Variants in ZNF578 observed in about 807,000 individuals in gnomAD.
ZNF578 encodes the protein Putative chemokine-related protein B42.
Under a neutral mutation model 8.3 loss-of-function variants are expected in ZNF578, and 8 were observed. The observed-to-expected ratio is 0.96, with a 90% CI of 0.56 to 1.74. The LOEUF is 1.74. Ranked by LOEUF, ZNF578 falls within the 40% of genes most tolerant of loss-of-function variation. The pLI is 0.00. For missense variants in ZNF578, 726 were observed against 707.5 expected (o/e 1.03, Z -0.30); for synonymous variants, 206 against 232.2 (o/e 0.89, Z 1.03).
intron 5 of ZNF578, among the ~76,000 whole-genome samples, chr19:52,508,352 TAG>T (rs35598512): frequency 4.0e-5 from 6 of 149,504 alleles, no homozygotes; most frequent in East Asian, 2.0e-4. Context: ...ACAAAAGAAA[TAG>T]AGAGAGAGAG....
intron 4 of ZNF578, among the ~76,000 whole-genome samples, chr19:52,502,892 A>G (rs902286922): frequency 1.3e-5 from 2 of 152,072 alleles, no homozygotes; most frequent in Admixed American, 6.6e-5. Flanking sequence ...ATGGGTCACC[A>G]TATGTATGTA....
chr19:52,506,162 C>T (rs1356458495), intron 5 of ZNF578, among the ~76,000 whole-genome samples: 1 of 152,028 alleles, frequency 6.6e-6, no homozygotes, highest in Non-Finnish European at 1.5e-5. Context: ...GGATTCCAAA[C>T]TGCTGGGATT....
At chr19:52,482,112 C>T (rs1213456079) in intron 2 of ZNF578, among the ~76,000 whole-genome samples, 1 of 152,196 alleles carries the variant, frequency 6.6e-6, no homozygotes, top group Non-Finnish European at 1.5e-5. Flanking sequence ...CAGCTCGCCA[C>T]AACCTCTGTT....
At position 52,485,455 on chromosome 19, in the gene ZNF578, A is replaced by G. The variant is rs192934955; in HGVS notation, c.-121-5869A>G. Among the ~76,000 whole-genome samples, 36 of 152,332 alleles carry G rather than the reference A, an allele frequency of 2.4e-4. No individual in the cohort carries two copies. The East Asian group carries it at 7.0e-3, about 29-fold the overall frequency. ...GCGCAGGTGCTTGTCATCTGTGCGC[A>G]GCATTGAGCATCGAAGCTCTGTGTC... On this transcript the variant is annotated intron_variant, in intron 2 of 5. Coordinates refer to ENST00000421239, the MANE Select transcript of ZNF578 (RefSeq NM_001099694.2).
chr19:52,497,688 T>C lies in ZNF578; in HGVS notation c.-19-4139T>C, dbSNP rs140309033. On this transcript the variant is annotated intron_variant, in intron 3 of 5. Coordinates refer to ENST00000421239, the MANE Select transcript of ZNF578 (RefSeq NM_001099694.2). Reference sequence around the variant, plus strand: ...TCTTTATCATATATCGAAAACATTTTCTACTATGTGATATATGATGTTAGG... The same window carrying C: ...TCTTTATCATATATCGAAAACATTTCCTACTATGTGATATATGATGTTAGG... Among the ~76,000 whole-genome samples the C allele has an allele frequency of 1.1e-3, 171 of 152,392 alleles. 2 individuals are homozygous for C. The East Asian group carries it at 0.027, about 24-fold the overall frequency.
At chr19:52,506,462 C>CT (rs35676968) in intron 5 of ZNF578, among the ~76,000 whole-genome samples, 28,315 of 108,084 alleles carry the variant, frequency 0.26, 4,305 homozygotes, top group African/African-American at 0.39. Flanking sequence ...AGTACAGTTT[C>CT]TTTTTTTTTT....
chr19:52,508,001 A>G (rs528622341), intron 5 of ZNF578, among the ~76,000 whole-genome samples: 1 of 152,084 alleles, frequency 6.6e-6, no homozygotes, highest in Non-Finnish European at 1.5e-5. Context: ...GTGAGCCGAG[A>G]TCATACCATT....
chr19:52,470,947 G>A (rs1466735170), intron 2 of ZNF578, among the ~76,000 whole-genome samples: 1 of 152,084 alleles, frequency 6.6e-6, no homozygotes, highest in African/African-American at 2.4e-5. Context: ...CATGTGGTTT[G>A]ACACCATCTT....
At chr19:52,505,125 G>T (rs577852794) in intron 5 of ZNF578, among the ~76,000 whole-genome samples, 3 of 152,266 alleles carry the variant, frequency 2.0e-5, no homozygotes, top group Middle Eastern at 3.4e-3. Flanking sequence ...GACCTCAGGT[G>T]ATCCGCCCAC....
chr19:52,500,960 CCT>C (rs1324347526), intron 3 of ZNF578, among the ~76,000 whole-genome samples: 1 of 150,522 alleles, frequency 6.6e-6, no homozygotes, highest in Non-Finnish European at 1.5e-5. Flanking sequence ...CTCACTGCAA[CCT>C]CTGTCTCCTG....
chr19:52,492,509 A>G (rs1391142220), intron 3 of ZNF578, among the ~76,000 whole-genome samples: 2 of 152,216 alleles, frequency 1.3e-5, no homozygotes, highest in Non-Finnish European at 2.9e-5. Flanking sequence ...TCTGTGGGCC[A>G]TCAGCATGAA....
At chr19:52,474,537 G>A (rs1022858831) in intron 2 of ZNF578, 3 of 299,828 alleles carry the variant, frequency 1.0e-5, no homozygotes, top group Non-Finnish European at 2.1e-5. Flanking sequence ...TAAAGACCTT[G>A]TAACATTCAT....
In ZNF578 at chr19:52,514,264, A is replaced by G. The variant is rs1376891009; in HGVS notation, c.*2110A>G. ...ACATCATTCGTTTCTGTACTTGTATATTTTCCAGTTGTTTTCCGGTTGACC... is the reference window on the plus strand; with the variant it reads ...ACATCATTCGTTTCTGTACTTGTATGTTTTCCAGTTGTTTTCCGGTTGACC... On this transcript the variant is annotated 3_prime_UTR_variant, in exon 6 of 6. Coordinates refer to ENST00000421239, the MANE Select transcript of ZNF578 (RefSeq NM_001099694.2). Among the ~76,000 whole-genome samples the G allele has an allele frequency of 6.6e-6, 1 of 152,070 alleles. No homozygotes were observed. Among genetic ancestry groups the G allele is most frequent in the Non-Finnish European group, 1.5e-5 (1 of 68,030 alleles).
chr19:52,466,500 T>C (rs924555315), intron 2 of ZNF578, among the ~76,000 whole-genome samples: 2 of 152,198 alleles, frequency 1.3e-5, no homozygotes, highest in African/African-American at 4.8e-5. Flanking sequence ...CCCCAACAGT[T>C]TTCTCTATGT....
chr19:52,482,530 C>T (rs371052288), intron 2 of ZNF578, among the ~76,000 whole-genome samples: 5 of 151,500 alleles, frequency 3.3e-5, no homozygotes, highest in Admixed American at 6.6e-5. Flanking sequence ...CCCACCTACT[C>T]GGGAGGCTGA....
At chr19:52,480,643 A>G (rs2122839062) in intron 2 of ZNF578, among the ~76,000 whole-genome samples, 1 of 152,114 alleles carries the variant, frequency 6.6e-6, no homozygotes, top group African/African-American at 2.4e-5. Context: ...CATGCCTATA[A>G]TCCCAGCACT....
intron 3 of ZNF578, among the ~76,000 whole-genome samples, chr19:52,499,903 G>A (rs1839107605): frequency 6.6e-6 from 1 of 152,052 alleles, no homozygotes; most frequent in African/African-American, 2.4e-5. Context: ...TGTGCCCCCA[G>A]GACCTCTCTG....
At position 52,511,002 on chromosome 19, in the gene ZNF578, C is replaced by T. The variant is rs1427213065; in HGVS notation, c.621C>T (p.Asn207=). Residue 207 remains asparagine (N), a synonymous_variant, in exon 6 of 6, where the codon AAC becomes AAT. Transcript: ENST00000421239. ...SCRPETHTPN[N]YGNNFFHSSL... is the part of the protein sequence containing the mutation. ...GGCCTGAAACACATACTCCTAATAA[C>T]TATGGGAATAATTTTTTCCATTCAT... 6.2e-7 allele frequency: 1 copy of T among 1,614,170 alleles called. No homozygotes were observed. The highest frequency in any genetic ancestry group is 8.5e-7 in the Non-Finnish European group (1 of 1,180,012).
chr19:52,495,608 C>G (rs2059383169), intron 3 of ZNF578, among the ~76,000 whole-genome samples: 1 of 151,910 alleles, frequency 6.6e-6, no homozygotes, highest in Non-Finnish European at 1.5e-5. Flanking sequence ...AAGGGGGACC[C>G]TGAGTGCAGA....
Sources: gnomAD v4.1 joint callset for allele counts (sites outside exome capture counted in the v4.1 genomes callset) on GRCh38, gnomAD v4.1.1 for gene constraint, MANE v1.5 for transcripts, NCBI Gene and HGNC (gene_info 2026-07-23, HGNC 2026-07-21) for gene names.